Variants in CDADC1 observed in about 807,000 individuals in gnomAD.
CDADC1 encodes dCTP deaminase.
Under a neutral mutation model 54.9 loss-of-function variants are expected in CDADC1, and 39 were observed. The ratio of observed to expected loss-of-function variants is 0.71; its 90% confidence interval spans 0.55 to 0.93. The LOEUF (loss-of-function observed/expected upper bound fraction) is 0.93, where lower values mean the gene tolerates loss of function less well. CDADC1 is among the 40% of genes least tolerant of loss of function. The pLI is 0.00. For missense variants in CDADC1, 518 were observed against 618.8 expected, an observed-to-expected ratio of 0.84 and a Z score of 1.73; for synonymous variants, 186 against 204.0, an observed-to-expected ratio of 0.91 and a Z score of 0.75.
In CDADC1 at chr13:49,278,358, T is replaced by C; in HGVS notation, c.1059T>C (p.Cys353=). 3.9e-6 allele frequency: 6 copies of C among 1,550,260 alleles called. No homozygotes were observed. The highest frequency in any genetic ancestry group is 5.3e-6 in the Non-Finnish European group (6 of 1,135,644). ...TTTGCTCACTCTCGTAGAGAAGTTG[T>C]GATGGAACAGGTGCCATGTACTTTG... The part of the protein sequence containing the change: ...VIWAEGKSRS[C]DGTGAMYFVG... Residue 353 remains cysteine, a synonymous_variant, in exon 7 of 10, where the codon TGT becomes TGC. Coordinates refer to ENST00000251108, the MANE Select transcript of CDADC1 (RefSeq NM_030911.4).
intron 9 of CDADC1, among the ~76,000 whole-genome samples, chr13:49,286,839 C>T (rs991509773): frequency 6.6e-6 from 1 of 152,162 alleles, no homozygotes; most frequent in African/African-American, 2.4e-5. Context: ...TTTGAGAAGT[C>T]TTACAATTCT....
rs1952389232 is a variant in CDADC1 at position 49,250,036 on chromosome 13, G to A, written c.177+1071G>A. ...AACAGAGGTAAAATGAGGGGGGTGG[G>A]GCAGAAAATTACACATGGCTTCTCA... On this transcript the variant is annotated intron_variant, in intron 2 of 9. Coordinates refer to ENST00000251108, the MANE Select transcript of CDADC1 (RefSeq NM_030911.4). 2.0e-5 allele frequency among the ~76,000 whole-genome samples: 3 copies of A among 151,912 alleles called. No homozygotes were observed. The South Asian group carries it at 6.2e-4, about 31-fold the overall frequency.
intron 5 of CDADC1, among the ~76,000 whole-genome samples, chr13:49,272,873 T>C (rs999913969): frequency 6.6e-6 from 1 of 151,834 alleles, no homozygotes; most frequent in Non-Finnish European, 1.5e-5. Flanking sequence ...GGCCAGGCTG[T>C]GTCAAGGAAT....
chr13:49,291,608 C>G lies in CDADC1; in HGVS notation c.1472-76C>G, dbSNP rs79428752. 17 of 1,386,882 alleles carry G rather than the reference C, an allele frequency of 1.2e-5. No homozygotes were observed. In the East Asian group the frequency reaches 4.1e-4, roughly 34 times the overall value. The allele number at this position is 1,386,882 out of a possible 1,614,324, so 85.9% of individuals were successfully genotyped here. A position where few individuals can be genotyped will look rare whatever the true frequency, so the allele number is the denominator to read the frequency against. ...TAACTTAAGCATTGTTTTGCTCTTA[C>G]AACATGTAAGGCTGAAACAAGTGCC... On this transcript the variant is annotated intron_variant, in intron 9 of 9. Coordinates refer to ENST00000251108, the MANE Select transcript of CDADC1 (RefSeq NM_030911.4).
At chr13:49,252,239 C>T (rs1181334858) in intron 2 of CDADC1, among the ~76,000 whole-genome samples, 1 of 152,180 alleles carries the variant, frequency 6.6e-6, no homozygotes, top group African/African-American at 2.4e-5. Flanking sequence ...GACTACAACC[C>T]TCTCACCATG....
rs1953183313 is a variant in CDADC1 at position 49,277,508 on chromosome 13, A to C, written c.1051-842A>C. 3.3e-5 allele frequency among the ~76,000 whole-genome samples: 5 copies of C among 152,172 alleles called. No homozygotes were observed. In the South Asian group the frequency reaches 8.3e-4, roughly 25 times the overall value. ...AAATGTTCAAACAGATTTATTAATG[A>C]GATAATATTTTGTTTGCAGGCTTTT... On this transcript the variant is annotated intron_variant, in intron 6 of 9. Transcript: ENST00000251108.
At chr13:49,289,433 T>G (rs1953635272) in intron 9 of CDADC1, among the ~76,000 whole-genome samples, 1 of 152,146 alleles carries the variant, frequency 6.6e-6, no homozygotes, top group Non-Finnish European at 1.5e-5. Context: ...TGGCCTGAAA[T>G]AGCATTTTTT....
rs1206251563 is a variant in CDADC1, at chr13:49,248,131, G to A, written c.82+12G>A. On this transcript the variant is annotated intron_variant, in intron 1 of 9. Transcript: ENST00000251108. ...TGGCAGCATGACCGGTGAGTGTCCG[G>A]GACCCTGCTCCCGCCACCCTACCTT... 1 of 1,548,282 alleles carries A rather than the reference G, an allele frequency of 6.5e-7. No homozygotes were observed. The highest frequency in any genetic ancestry group is 1.2e-5 in the South Asian group (1 of 83,990).
chr13:49,292,610 GC>G lies in CDADC1; in HGVS notation c.*855del. Reference sequence around the variant, plus strand: ...ATGGCTTTGATCTTCAAAAGGAAGAGCCTTTTAAAAACATTTGCCAACCTCA... The same window carrying G: ...ATGGCTTTGATCTTCAAAAGGAAGAGCTTTTAAAAACATTTGCCAACCTCA... On this transcript the variant is annotated 3_prime_UTR_variant, in exon 10 of 10. Coordinates refer to ENST00000251108, the MANE Select transcript of CDADC1 (RefSeq NM_030911.4). The G allele has an allele frequency of 2.6e-6, 3 of 1,164,932 alleles. No homozygotes were observed. Among genetic ancestry groups the G allele is most frequent in the South Asian group, 3.5e-5 (2 of 57,540 alleles). The allele number at this position is 1,164,932 out of a possible 1,614,324, so 72.2% of individuals were successfully genotyped here.
intron 8 of CDADC1, among the ~76,000 whole-genome samples, chr13:49,281,699 A>G (rs1953340120): frequency 6.6e-6 from 1 of 152,222 alleles, no homozygotes; most frequent in African/African-American, 2.4e-5. Flanking sequence ...AATAGTTTAA[A>G]GGTCACCCCC....
chr13:49,282,236 G>GGTTTTT (rs1555315245), intron 8 of CDADC1, among the ~76,000 whole-genome samples: 59 of 94,142 alleles, frequency 6.3e-4, no homozygotes, highest in Non-Finnish European at 9.3e-4. Flanking sequence ...GTTTTTGTGG[G>GGTTTTT]TTTTTTTTTT....
chr13:49,269,323 CAGATGCTATACTTTTTACT>C (rs1435605196), intron 5 of CDADC1, among the ~76,000 whole-genome samples: 417 of 148,634 alleles, frequency 2.8e-3, no homozygotes, highest in Middle Eastern at 0.01. Context: ...ATAAAAAGTA[CAGATGCTATACTTTTTACT>C]TTTATAAAAA....
At chr13:49,283,806 A>G (rs1030631645) in intron 8 of CDADC1, among the ~76,000 whole-genome samples, 29 of 152,044 alleles carry the variant, frequency 1.9e-4, no homozygotes, top group Admixed American at 1.2e-3. Flanking sequence ...TCTCTGTTCT[A>G]CCTCCAGTGA....
intron 7 of CDADC1, among the ~76,000 whole-genome samples, 184 bp from the exon 8 acceptor site, chr13:49,280,325 C>A (rs1315819489): frequency 6.6e-6 from 1 of 152,072 alleles, no homozygotes; most frequent in Non-Finnish European, 1.5e-5. Context: ...TATCATAACA[C>A]TTTTGTGGGT....
chr13:49,261,346 TGCAGTTAC>T (rs1325593588), intron 4 of CDADC1, among the ~76,000 whole-genome samples: 1 of 152,206 alleles, frequency 6.6e-6, no homozygotes, highest in Non-Finnish European at 1.5e-5. Context: ...TATTCTCAAC[TGCAGTTAC>T]CAATACATTG....
Position 49,286,202 on chromosome 13 carries a change from ATGTT to A in CDADC1, c.1411-16_1411-13del. On this transcript the variant is annotated splice_polypyrimidine_tract_variant and intron_variant, in intron 8 of 9. Coordinates refer to ENST00000251108, the MANE Select transcript of CDADC1 (RefSeq NM_030911.4). ...ATTAAATCCTCTTTAAACAAGTAAAATGTTTGTGCACTCTTACAGTGGCAGCTGA... is the reference window on the plus strand; with the variant it reads ...ATTAAATCCTCTTTAAACAAGTAAAATGTGCACTCTTACAGTGGCAGCTGA... 1.2e-6 allele frequency: 2 copies of A among 1,600,786 alleles called. No homozygotes were observed. Among genetic ancestry groups the A allele is most frequent in the Non-Finnish European group, 1.7e-6 (2 of 1,168,220 alleles).
chr13:49,260,808 A>G (rs1443867033), intron 4 of CDADC1, among the ~76,000 whole-genome samples: 9 of 152,218 alleles, frequency 5.9e-5, no homozygotes, highest in Admixed American at 2.0e-4. Flanking sequence ...ACAATTTAAT[A>G]TGATGCATTA....
At chr13:49,291,593 A>T in intron 9 of CDADC1, 91 bp from the exon 10 acceptor site, 1 of 1,171,236 alleles carries the variant, frequency 8.5e-7, no homozygotes, top group East Asian at 2.5e-5. Flanking sequence ...TAACTTAAGC[A>T]TTGTTTTGCT....
chr13:49,292,340 C>A lies in CDADC1; in HGVS notation c.*583C>A, dbSNP rs1953733233. The A allele has an allele frequency of 1.0e-6, 1 of 986,266 alleles. No homozygotes were observed. The highest frequency in any genetic ancestry group is 1.8e-5 in the African/African-American group (1 of 57,084). The allele number at this position is 986,266 out of a possible 1,614,324, so 61.1% of individuals were successfully genotyped here. A position where few individuals can be genotyped will look rare whatever the true frequency, so the allele number is the denominator to read the frequency against. Reference sequence around the variant, plus strand: ...AAAGTATATTTTGTAAATGTTAATTCTGTGGTCCTGTTTATCACAGACTTT... The same window carrying A: ...AAAGTATATTTTGTAAATGTTAATTATGTGGTCCTGTTTATCACAGACTTT... On this transcript the variant is annotated 3_prime_UTR_variant, in exon 10 of 10. Coordinates refer to ENST00000251108, the MANE Select transcript of CDADC1 (RefSeq NM_030911.4).
Sources: gnomAD v4.1 joint callset for allele counts (sites outside exome capture counted in the v4.1 genomes callset) on GRCh38, gnomAD v4.1.1 for gene constraint, MANE v1.5 for transcripts, NCBI Gene and HGNC (gene_info 2026-07-23, HGNC 2026-07-21) for gene names.